AUTS2: variants seen among roughly 807,000 people sequenced by gnomAD.
AUTS2 encodes the protein activator of transcription and developmental regulator AUTS2.
A neutral mutation model predicts 112.4 loss-of-function variants in AUTS2; 17 were observed. The observed-to-expected ratio is 0.15, with a 90% CI of 0.10 to 0.23. The LOEUF (loss-of-function observed/expected upper bound fraction) is 0.23. Among genes scored for constraint, AUTS2 ranks in the 10% least tolerant of loss-of-function variants. AUTS2 has a pLI of 1.00. For missense variants in AUTS2, 1,510 were observed against 1,701.6 expected, an observed-to-expected ratio of 0.89 and a Z score of 1.98; for synonymous variants, 751 against 702.7, an observed-to-expected ratio of 1.07 and a Z score of -1.09.
chr7:70,118,245 TAAAA>T lies in AUTS2; in HGVS notation c.624+31_624+34del, dbSNP rs11418386. 3.2e-3 allele frequency: 4,194 copies of T among 1,312,040 alleles called. No individual in the cohort carries two copies. Among genetic ancestry groups the T allele is most frequent in the Admixed American group, 0.012 (354 of 28,710 alleles). The allele number at this position is 1,312,040 out of a possible 1,614,324, so 81.3% of individuals were successfully genotyped here. A position where few individuals can be genotyped will look rare whatever the true frequency, so the allele number is the denominator to read the frequency against. On this transcript the variant is annotated intron_variant, in intron 3 of 18. Transcript: ENST00000342771. The stretch of plus-strand genomic sequence containing the variant: ...AAAGGCTCAGTGATGTAAGTTTAAG[TAAAA>T]AAAAAAAAAAAAAAAAAATTAACGA...
chr7:70,671,782 G>A (rs930555701), intron 5 of AUTS2, among the ~76,000 whole-genome samples: 5 of 152,236 alleles, frequency 3.3e-5, no homozygotes, highest in Non-Finnish European at 4.4e-5. Context: ...GTCTCTTTGC[G>A]TTGTCAACCT....
chr7:70,068,107 GA>G (rs1472012251), intron 2 of AUTS2, among the ~76,000 whole-genome samples: 2 of 151,158 alleles, frequency 1.3e-5, no homozygotes, highest in Non-Finnish European at 2.9e-5. Context: ...AAAACAGAAA[GA>G]AAATGCACCC....
At chr7:69,626,318 G>A (rs1314439160) in intron 1 of AUTS2, among the ~76,000 whole-genome samples, 1 of 152,022 alleles carries the variant, frequency 6.6e-6, no homozygotes, top group Non-Finnish European at 1.5e-5. Flanking sequence ...CTGGAGGTGC[G>A]ATTTAATTAT....
At chr7:70,330,614 A>G (rs1466429968) in intron 4 of AUTS2, among the ~76,000 whole-genome samples, 3 of 152,182 alleles carry the variant, frequency 2.0e-5, no homozygotes, top group African/African-American at 4.8e-5. Context: ...TTGAGGGTCC[A>G]TTGCAATTCC....
At chr7:69,852,723 G>A (rs1792544514) in intron 1 of AUTS2, among the ~76,000 whole-genome samples, 1 of 152,132 alleles carries the variant, frequency 6.6e-6, no homozygotes, top group Admixed American at 6.5e-5. Flanking sequence ...AAAGTGCTGG[G>A]ATTATAGGTG....
chr7:69,959,180 A>G (rs527278487), intron 2 of AUTS2, among the ~76,000 whole-genome samples: 5 of 152,080 alleles, frequency 3.3e-5, no homozygotes, highest in Non-Finnish European at 7.4e-5. Flanking sequence ...TATAACTGCT[A>G]TTCTTTACCT....
intron 5 of AUTS2, among the ~76,000 whole-genome samples, chr7:70,682,811 C>A (rs1350328872): frequency 3.3e-5 from 5 of 152,258 alleles, no homozygotes; most frequent in Non-Finnish European, 1.5e-5. Context: ...GAGCCACACC[C>A]AAGATGGCTT....
intron 6 of AUTS2, among the ~76,000 whole-genome samples, chr7:70,755,875 ATAC>A (rs1223545194): frequency 1.3e-5 from 2 of 152,044 alleles, no homozygotes; most frequent in African/African-American, 2.4e-5. Context: ...ACAGTAAATA[ATAC>A]TATTATTTAA....
chr7:70,342,770 G>A (rs1038735363), intron 4 of AUTS2, among the ~76,000 whole-genome samples: 2 of 152,110 alleles, frequency 1.3e-5, no homozygotes, highest in African/African-American at 4.8e-5. Flanking sequence ...GCCCTCCGCA[G>A]CCTCTTGCTA....
At chr7:70,397,285 G>C (rs544721325) in intron 4 of AUTS2, among the ~76,000 whole-genome samples, 1 of 151,822 alleles carries the variant, frequency 6.6e-6, no homozygotes, top group Non-Finnish European at 1.5e-5. Context: ...GACTGGTCTC[G>C]AACTCCTGAC....
At chr7:69,759,722 T>C (rs998131627) in intron 1 of AUTS2, among the ~76,000 whole-genome samples, 1 of 142,906 alleles carries the variant, frequency 7.0e-6, no homozygotes, top group Non-Finnish European at 1.5e-5. Context: ...AATATAGCTT[T>C]CATAGCCCCC....
intron 1 of AUTS2, among the ~76,000 whole-genome samples, chr7:69,802,207 G>T (rs1167926920): frequency 6.6e-6 from 1 of 152,172 alleles, no homozygotes; most frequent in African/African-American, 2.4e-5. Context: ...TAAGGGGAGA[G>T]CGTATGTTTC....
At chr7:69,692,339 C>T (rs1162993812) in intron 1 of AUTS2, among the ~76,000 whole-genome samples, 2 of 152,120 alleles carry the variant, frequency 1.3e-5, no homozygotes, top group Non-Finnish European at 2.9e-5. Flanking sequence ...AAAGACCTAC[C>T]ATTTTTAAGG....
chr7:69,856,290 G>A (rs961673340), intron 1 of AUTS2, among the ~76,000 whole-genome samples: 1 of 152,160 alleles, frequency 6.6e-6, no homozygotes, highest in African/African-American at 2.4e-5. Context: ...CTGGAAGGAA[G>A]AAGTGAGGGA....
chr7:70,301,820 G>GCAAC (rs1789229612), intron 4 of AUTS2, among the ~76,000 whole-genome samples: 1 of 152,126 alleles, frequency 6.6e-6, no homozygotes, highest in Admixed American at 6.5e-5. Context: ...ATACAGTGGT[G>GCAAC]TGATCTTGGC....
intron 1 of AUTS2, among the ~76,000 whole-genome samples, chr7:69,871,488 A>G (rs1347133646): frequency 6.6e-6 from 1 of 152,220 alleles, no homozygotes; most frequent in Non-Finnish European, 1.5e-5. Context: ...CGTGGCTGTG[A>G]TAAGTTTAAT....
chr7:69,760,197 CT>C (rs375758180), intron 1 of AUTS2, among the ~76,000 whole-genome samples: 9,854 of 120,964 alleles, frequency 0.081, 430 homozygotes, highest in African/African-American at 0.14. Context: ...TTCTTTTTTT[CT>C]TTTTTTTTTT....
chr7:70,334,318 A>G (rs759008642), intron 4 of AUTS2, among the ~76,000 whole-genome samples: 1 of 152,184 alleles, frequency 6.6e-6, no homozygotes, highest in Admixed American at 6.5e-5. Context: ...AATTTTGTCA[A>G]AGGCTTTCTT....
chr7:69,864,753 T>A (rs1354197892), intron 1 of AUTS2, among the ~76,000 whole-genome samples: 1 of 152,210 alleles, frequency 6.6e-6, no homozygotes, highest in Non-Finnish European at 1.5e-5. Flanking sequence ...TGCAGTAAAT[T>A]GCATAATGCT....
Sources: gnomAD v4.1 joint callset for allele counts (sites outside exome capture counted in the v4.1 genomes callset) on GRCh38, gnomAD v4.1.1 for gene constraint, MANE v1.5 for transcripts, NCBI Gene and HGNC (gene_info 2026-07-23, HGNC 2026-07-21) for gene names.